Variants in FBXW7 observed in about 807,000 individuals in gnomAD.
FBXW7 encodes F-box and WD repeat domain containing 7.
FBXW7 carries 11 observed loss-of-function variants against 86.3 expected under a neutral mutation model. The observed-to-expected ratio is 0.13, with a 90% CI of 0.08 to 0.21. The LOEUF (loss-of-function observed/expected upper bound fraction) is 0.21. Ranked by LOEUF, FBXW7 falls within the 10% of genes least tolerant of loss-of-function variation. The probability of loss-of-function intolerance (pLI) is 1.00; values close to 1 mark genes in which losing one functional copy is unlikely to be tolerated. For missense variants in FBXW7, 488 were observed against 847.4 expected, an observed-to-expected ratio of 0.58 and a Z score of 5.27; for synonymous variants, 313 against 297.9, an observed-to-expected ratio of 1.05 and a Z score of -0.52.
At position 152,334,430 on chromosome 4, in the gene FBXW7, G is replaced by A. The variant is rs532771574; in HGVS notation, c.862-1711C>T. ...TGGTGTTACCATTACTAATCTATGT[G>A]GAATTGTAATTTAACATAGAAGCTA... On this transcript the variant is annotated intron_variant, in intron 7 of 13. Coordinates refer to ENST00000281708, the MANE Select transcript of FBXW7 (RefSeq NM_001349798.2). 1.4e-4 allele frequency among the ~76,000 whole-genome samples: 21 copies of A among 152,162 alleles called. No individual in the cohort carries two copies. The South Asian group carries it at 1.5e-3, about 11-fold the overall frequency.
At chr4:152,382,033 T>C (rs1426102213) in intron 4 of FBXW7, among the ~76,000 whole-genome samples, 1 of 152,206 alleles carries the variant, frequency 6.6e-6, no homozygotes, top group African/African-American at 2.4e-5. Context: ...TATCATATTA[T>C]AAAACTATCA....
Position 152,320,912 on chromosome 4 carries a change from T to A in FBXW7, c.*1969A>T, listed in dbSNP as rs755191556. 1.3e-5 allele frequency: 2 copies of A among 152,450 alleles called. No individual in the cohort carries two copies. The highest frequency in any genetic ancestry group is 2.9e-5 in the Non-Finnish European group (2 of 68,218). 9.4% of individuals were successfully genotyped at this position (152,450 alleles called of 1,614,324 possible). ...TCGAGGGTAAGCACTTAATATGTGG[T>A]CAAAATTTCAAAATGAATTTGTTAT... On this transcript the variant is annotated 3_prime_UTR_variant, in exon 14 of 14. Transcript: ENST00000281708.
chr4:152,458,989 A>T (rs575575927), intron 2 of FBXW7, among the ~76,000 whole-genome samples: 16 of 152,136 alleles, frequency 1.1e-4, no homozygotes, highest in Non-Finnish European at 1.5e-4. Flanking sequence ...GACAACCACA[A>T]CTGTTCCCCA....
intron 2 of FBXW7, among the ~76,000 whole-genome samples, chr4:152,487,533 T>C (rs1310685749): frequency 6.6e-6 from 1 of 152,124 alleles, no homozygotes; most frequent in Non-Finnish European, 1.5e-5. Flanking sequence ...GTACTGTTTA[T>C]CTTTTTATAC....
intron 6 of FBXW7, among the ~76,000 whole-genome samples, chr4:152,338,923 G>A (rs1186340528): frequency 1.3e-5 from 2 of 151,994 alleles, no homozygotes; most frequent in Non-Finnish European, 2.9e-5. Context: ...AAAAAGATCT[G>A]GATTTTGCCA....
At chr4:152,411,995 G>C (rs1424670831) in intron 3 of FBXW7, 123 bp from the exon 4 acceptor site, 1 of 852,768 alleles carries the variant, frequency 1.2e-6, no homozygotes, top group African/African-American at 1.7e-5. Context: ...TGCCACCAAG[G>C]CATTAAAATG....
chr4:152,521,175 T>C (rs1211182536), intron 2 of FBXW7, among the ~76,000 whole-genome samples: 5 of 151,802 alleles, frequency 3.3e-5, no homozygotes, highest in African/African-American at 4.8e-5. Context: ...AACTGAGAGA[T>C]CAGTAGAAAA....
chr4:152,429,112 C>G (rs1454373066), intron 2 of FBXW7, among the ~76,000 whole-genome samples: 1 of 152,092 alleles, frequency 6.6e-6, no homozygotes. Flanking sequence ...ATCACTTGAA[C>G]CTGGGAGGCG....
intron 2 of FBXW7, among the ~76,000 whole-genome samples, chr4:152,520,004 A>C (rs2149728441): frequency 6.6e-6 from 1 of 152,378 alleles, no homozygotes; most frequent in African/African-American, 2.4e-5. Context: ...TCCTTAGGAC[A>C]GTTCCTGACA....
At chr4:152,344,265 C>G (rs1271697942) in intron 6 of FBXW7, among the ~76,000 whole-genome samples, 1 of 152,092 alleles carries the variant, frequency 6.6e-6, no homozygotes, top group African/African-American at 2.4e-5. Flanking sequence ...AAATAAAGGG[C>G]AGTGTACAAC....
At chr4:152,529,776 T>G (rs1375297421) in intron 2 of FBXW7, among the ~76,000 whole-genome samples, 2 of 152,100 alleles carry the variant, frequency 1.3e-5, no homozygotes, top group Non-Finnish European at 2.9e-5. Flanking sequence ...GAGACCAGCC[T>G]GGGCAACATG....
At chr4:152,425,500 A>G (rs901761407) in intron 2 of FBXW7, among the ~76,000 whole-genome samples, 17 of 152,206 alleles carry the variant, frequency 1.1e-4, no homozygotes, top group African/African-American at 3.6e-4. Context: ...GGAGTTAAGT[A>G]TAACTCCTAA....
intron 4 of FBXW7, 124 bp from the exon 5 acceptor site, chr4:152,350,248 A>G (rs968028683): frequency 8.2e-5 from 39 of 474,130 alleles, no homozygotes; most frequent in Middle Eastern, 1.2e-3. Context: ...TTAAATATAT[A>G]AAATAAATGT....
intron 4 of FBXW7, among the ~76,000 whole-genome samples, chr4:152,356,928 A>T (rs1732440041): frequency 6.6e-6 from 1 of 152,202 alleles, no homozygotes; most frequent in Admixed American, 6.6e-5. Context: ...TATATACATC[A>T]ATTGAAACTT....
At chr4:152,323,296 T>C in intron 13 of FBXW7, 147 bp from the exon 14 acceptor site, 2 of 959,288 alleles carry the variant, frequency 2.1e-6, no homozygotes, top group South Asian at 1.8e-5. Flanking sequence ...GTCCTCAGTA[T>C]TTTAGGATCA....
chr4:152,529,477 A>C (rs1326393915), intron 2 of FBXW7, among the ~76,000 whole-genome samples: 1 of 152,226 alleles, frequency 6.6e-6, no homozygotes, highest in East Asian at 1.9e-4. Flanking sequence ...CATTATTGCA[A>C]GAGTAATCTC....
At chr4:152,412,931 T>A (rs1283978619) in intron 2 of FBXW7, among the ~76,000 whole-genome samples, 1 of 152,138 alleles carries the variant, frequency 6.6e-6, no homozygotes, top group Non-Finnish European at 1.5e-5. Flanking sequence ...TTTTTTAACC[T>A]AGGCTCTAGA....
chr4:152,343,442 GT>G (rs1322617420), intron 6 of FBXW7, among the ~76,000 whole-genome samples: 5 of 152,056 alleles, frequency 3.3e-5, no homozygotes, highest in East Asian at 3.9e-4. Context: ...AGATGTACAT[GT>G]TTTTTCCCCT....
intron 4 of FBXW7, among the ~76,000 whole-genome samples, chr4:152,367,045 A>G (rs1656774280): frequency 6.6e-6 from 1 of 152,158 alleles, no homozygotes; most frequent in Non-Finnish European, 1.5e-5. Context: ...CAAACACCGC[A>G]TGTTCTCACT....
Sources: gnomAD v4.1 joint callset for allele counts (sites outside exome capture counted in the v4.1 genomes callset) on GRCh38, gnomAD v4.1.1 for gene constraint, MANE v1.5 for transcripts, NCBI Gene and HGNC (gene_info 2026-07-23, HGNC 2026-07-21) for gene names.